LMX1B: variants seen among roughly 807,000 people sequenced by gnomAD.
LMX1B encodes LIM homeobox transcription factor 1 beta.
Under a neutral mutation model 51.4 loss-of-function variants are expected in LMX1B, and 12 were observed. That is an observed-to-expected ratio of 0.23 (90% CI 0.15 to 0.38). The LOEUF (loss-of-function observed/expected upper bound fraction) is 0.38. Among genes scored for constraint, LMX1B ranks in the 10% least tolerant of loss-of-function variants. LMX1B has a pLI of 1.00. For synonymous variants in LMX1B, 237 were observed against 235.4 expected (o/e 1.01, Z -0.06); for missense variants, 445 against 571.1 (o/e 0.78, Z 2.25).
Position 126,625,252 on chromosome 9 carries a change from C to T in LMX1B, c.326+9683C>T, listed in dbSNP as rs555982874. Among the ~76,000 whole-genome samples, 2 of 152,248 alleles carry T rather than the reference C, an allele frequency of 1.3e-5. No homozygotes were observed. The highest frequency in any genetic ancestry group is 2.9e-5 in the Non-Finnish European group (2 of 68,052). ...CCGAGCGCGCTTGGGCCTCAGGAGC[C>T]GGAGCGTTGCCGTGGGGGCGGGGGA... On this transcript the variant is annotated intron_variant, in intron 2 of 7. Coordinates refer to ENST00000373474, the MANE Select transcript of LMX1B (RefSeq NM_001174147.2). The surrounding 1 kb of genome is among the most constrained non-coding windows in gnomAD (Gnocchi z 5.3).
chr9:126,648,699 G>T (rs1404394387), intron 2 of LMX1B, among the ~76,000 whole-genome samples: 1 of 152,184 alleles, frequency 6.6e-6, no homozygotes, highest in Non-Finnish European at 1.5e-5. Flanking sequence ...GACTCTTCAG[G>T]TGAAGATGAG....
At chr9:126,631,153 C>T (rs926999334) in intron 2 of LMX1B, among the ~76,000 whole-genome samples, 5 of 152,372 alleles carry the variant, frequency 3.3e-5, no homozygotes, top group East Asian at 1.9e-4. Context: ...TGGAGCTGGC[C>T]GCCCACTGGT....
chr9:126,685,421 G>A (rs913112483), intron 2 of LMX1B, among the ~76,000 whole-genome samples: 11 of 152,142 alleles, frequency 7.2e-5, no homozygotes, highest in African/African-American at 2.7e-4. Flanking sequence ...GAAGAGGTTT[G>A]TAATCTAACT....
At position 126,615,356 on chromosome 9, in the gene LMX1B, G is replaced by A; in HGVS notation, c.140-27G>A. On this transcript the variant is annotated intron_variant, in intron 1 of 7. Transcript: ENST00000373474. The surrounding 1 kb of genome is among the most constrained non-coding windows in gnomAD (Gnocchi z 6.0). The stretch of plus-strand genomic sequence containing the variant: ...GGGGCTGGGCCGGGCGGCGCTGACG[G>A]CCGGGCTTTCGCCCTGTGCGCTACA... 6.5e-7 allele frequency: 1 copy of A among 1,528,750 alleles called. No homozygotes were observed. The highest frequency in any genetic ancestry group is 8.8e-7 in the Non-Finnish European group (1 of 1,142,610). 94.7% of individuals were successfully genotyped at this position (1,528,750 alleles called of 1,614,324 possible).
At chr9:126,683,425 G>T (rs1240389188) in intron 2 of LMX1B, among the ~76,000 whole-genome samples, 4 of 152,188 alleles carry the variant, frequency 2.6e-5, no homozygotes, top group Non-Finnish European at 4.4e-5. Context: ...TGATAAGGAC[G>T]CGGCAGGCAC....
intron 2 of LMX1B, among the ~76,000 whole-genome samples, chr9:126,676,783 T>C (rs1836572636): frequency 6.6e-6 from 1 of 152,118 alleles, no homozygotes; most frequent in Admixed American, 6.5e-5. Flanking sequence ...CAGATCCCCA[T>C]AGGGAGGACT....
intron 2 of LMX1B, among the ~76,000 whole-genome samples, chr9:126,683,123 G>A (rs1396516006): frequency 2.0e-5 from 3 of 151,016 alleles, no homozygotes; most frequent in East Asian, 2.0e-4. Context: ...GCTGCGGGCC[G>A]CAGGAAGCGC....
rs565460849 is a variant in LMX1B at position 126,673,954 on chromosome 9, C to T, written c.327-16882C>T. Among the ~76,000 whole-genome samples the T allele has an allele frequency of 1.1e-4, 16 of 152,252 alleles. No homozygotes were observed. In the East Asian group the frequency reaches 2.7e-3, roughly 26 times the overall value. On this transcript the variant is annotated intron_variant, in intron 2 of 7. Coordinates refer to ENST00000373474, the MANE Select transcript of LMX1B (RefSeq NM_001174147.2). This position sits in a 1 kb window ranked among gnomAD's most constrained non-coding sequence, Gnocchi z 4.4. ...TGTTTGGACAGCTGCCTTGTCTGTC[C>T]GTCTGTTTGGGAGATGCTGGCTGAT...
chr9:126,645,539 A>G (rs184797044), intron 2 of LMX1B, among the ~76,000 whole-genome samples: 1 of 152,360 alleles, frequency 6.6e-6, no homozygotes, highest in East Asian at 1.9e-4. Context: ...CATCTTGTTC[A>G]GTGAACAACC....
chr9:126,693,266 G>A lies in LMX1B; in HGVS notation c.684G>A (p.Thr228=), dbSNP rs1180709634. ...RPKRPRTILT[T]QQRRAFKASF... Reference sequence around the variant, plus strand: ...AGCGACCCCGGACCATCCTCACCACGCAGCAGCGAAGAGCCTTCAAGGCCT... The same window carrying A: ...AGCGACCCCGGACCATCCTCACCACACAGCAGCGAAGAGCCTTCAAGGCCT... Residue 228 remains threonine, a synonymous_variant, in exon 4 of 8, where the codon ACG becomes ACA. Transcript: ENST00000373474. The A allele has an allele frequency of 5.0e-6, 8 of 1,611,626 alleles. No individual in the cohort carries two copies. The highest frequency in any genetic ancestry group is 3.6e-4 in the Middle Eastern group (2 of 5,578).
In LMX1B at chr9:126,615,479, A is replaced by T; in HGVS notation, c.236A>T (p.Glu79Val). 2 of 1,611,314 alleles carry T rather than the reference A, an allele frequency of 1.2e-6. No individual in the cohort carries two copies. Among genetic ancestry groups the T allele is most frequent in the Non-Finnish European group, 1.7e-6 (2 of 1,178,684 alleles). The change falls in exon 2 of 8, where the codon GAG becomes GTG. Residue 79 changes from glutamate to valine, a missense_variant. By Grantham distance (121) the Glu-to-Val change is moderately radical (BLOSUM62 -2). Around this residue, in one of 3 missense-constraint regions of LMX1B, gnomAD observed 273 missense variants for 343.3 expected, o/e 0.80. Transcript: ENST00000373474. This position sits in a 1 kb window ranked among gnomAD's most constrained non-coding sequence, Gnocchi z 6.0. ...MRVNESSWHE[E>V]CLQCAACQQA... ...GTCAACGAGTCGTCCTGGCACGAGG[A>T]GTGTTTGCAGTGCGCGGCGTGTCAG...
chr9:126,660,855 G>A (rs1836230467), intron 2 of LMX1B, among the ~76,000 whole-genome samples: 1 of 152,144 alleles, frequency 6.6e-6, no homozygotes, highest in Admixed American at 6.5e-5. Context: ...TTCTTGGGTT[G>A]GACTCAACAC....
At position 126,614,520 on chromosome 9, in the gene LMX1B, T is replaced by C; in HGVS notation, c.71T>C (p.Met24Thr). The C allele has an allele frequency of 3.7e-6, 6 of 1,606,468 alleles. No individual in the cohort carries two copies. Among genetic ancestry groups the C allele is most frequent in the Non-Finnish European group, 5.1e-6 (6 of 1,177,464 alleles). ...CGCGGGCAGACGGACTGCGCCAAGA[T>C]GTTGGACGGCATCAAGATGGAGGAG... ...FPRGQTDCAK[M>T]LDGIKMEEHA... Residue 24 changes from methionine (M) to threonine (T), a missense_variant, in exon 1 of 8, where the codon ATG (methionine) becomes ACG (threonine). This residue lies in a region of LMX1B where 273 missense variants were observed against 343.3 expected (regional missense o/e 0.80). Transcript: ENST00000373474.
In LMX1B at chr9:126,696,571, C is replaced by G. The variant is rs2030347399; in HGVS notation, c.*120C>G. 1.7e-6 allele frequency: 2 copies of G among 1,208,288 alleles called. No homozygotes were observed. Among genetic ancestry groups the G allele is most frequent in the African/African-American group, 3.0e-5 (2 of 66,362 alleles). 74.8% of individuals were successfully genotyped at this position (1,208,288 alleles called of 1,614,324 possible). On this transcript the variant is annotated 3_prime_UTR_variant, in exon 8 of 8. Transcript: ENST00000373474. ...AGACTACAGACAGCCATACGGTGCC[C>G]TCCCCTCGGCCAGCTGGGCCTGACC... is the stretch of plus-strand genomic sequence containing the variant.
intron 2 of LMX1B, among the ~76,000 whole-genome samples, chr9:126,675,058 C>T (rs573551595): frequency 6.6e-6 from 1 of 152,012 alleles, no homozygotes; most frequent in African/African-American, 2.4e-5. Flanking sequence ...GTTGTTCCAA[C>T]GTAGAGTCAT....
intron 2 of LMX1B, among the ~76,000 whole-genome samples, chr9:126,682,328 T>C (rs966301793): frequency 2.0e-5 from 3 of 152,036 alleles, no homozygotes; most frequent in African/African-American, 7.2e-5. Context: ...TGTGTCTCAT[T>C]CATGCCTCTG....
chr9:126,662,062 C>G (rs948984356), intron 2 of LMX1B, among the ~76,000 whole-genome samples: 1 of 152,246 alleles, frequency 6.6e-6, no homozygotes, highest in Non-Finnish European at 1.5e-5. Flanking sequence ...ACCCCTCCCC[C>G]ACGCAGCGCC....
rs1180799919 is a variant in LMX1B at position 126,658,220 on chromosome 9, G to C, written c.327-32616G>C. 6.6e-6 allele frequency among the ~76,000 whole-genome samples: 1 copy of C among 152,060 alleles called. No homozygotes were observed. Among genetic ancestry groups the C allele is most frequent in the Non-Finnish European group, 1.5e-5 (1 of 68,000 alleles). ...TTGTAGGAGTGGGACAGGGCAGGAG[G>C]GGGGTGAGTCTACAAAGGGTACCAA... On this transcript the variant is annotated intron_variant, in intron 2 of 7. Coordinates refer to ENST00000373474, the MANE Select transcript of LMX1B (RefSeq NM_001174147.2). This position sits in a 1 kb window ranked among gnomAD's most constrained non-coding sequence, Gnocchi z 4.0.
intron 2 of LMX1B, among the ~76,000 whole-genome samples, chr9:126,686,794 C>T (rs2029910441): frequency 6.6e-6 from 1 of 152,196 alleles, no homozygotes; most frequent in Non-Finnish European, 1.5e-5. Context: ...CCTTTCTGTG[C>T]TCATCTGTAA....
Sources: gnomAD v4.1 joint callset for allele counts (sites outside exome capture counted in the v4.1 genomes callset) on GRCh38, gnomAD v4.1.1 for gene constraint, gnomAD v4.1.1 regional missense constraint, Gnocchi (gnomAD v3.1) non-coding constraint, MANE v1.5 for transcripts, NCBI Gene and HGNC (gene_info 2026-07-23, HGNC 2026-07-21) for gene names.